Variants in PCDHA3 observed in about 807,000 individuals in gnomAD.
PCDHA3 encodes the protein protocadherin alpha 3.
PCDHA3 carries 41 observed loss-of-function variants against 62.2 expected under a neutral mutation model. The observed-to-expected ratio is 0.66, with a 90% confidence interval of 0.51 to 0.86. PCDHA3 has a LOEUF of 0.86. Ranked by LOEUF, PCDHA3 falls within the 40% of genes least tolerant of loss-of-function variation. PCDHA3 has a pLI of 0.00. For missense variants in PCDHA3, 1,304 were observed against 1,241.2 expected (o/e 1.05, Z -0.76); for synonymous variants, 640 against 555.4 (o/e 1.15, Z -2.14).
rs1254139233 is a variant in PCDHA3 at position 140,846,802 on chromosome 5, C to T, written c.2394+43211C>T. On this transcript the variant is annotated intron_variant, in intron 1 of 3. Transcript: ENST00000522353. Reference sequence around the variant, plus strand: ...ATTATTACTGAGCCCCAGCCCCTGGCTTTAAAATTTGAGGTCAAATAAAGA... The same window carrying T: ...ATTATTACTGAGCCCCAGCCCCTGGTTTTAAAATTTGAGGTCAAATAAAGA... Among the ~76,000 whole-genome samples the T allele has an allele frequency of 4.7e-5, 7 of 149,432 alleles. 1 individual carries two copies. The highest frequency in any genetic ancestry group is 1.7e-4 in the African/African-American group (7 of 40,714).
At chr5:140,884,941 C>T (rs1326188943) in intron 1 of PCDHA3, among the ~76,000 whole-genome samples, 1 of 152,116 alleles carries the variant, frequency 6.6e-6, no homozygotes, top group Admixed American at 6.5e-5. Context: ...TGCAATTGAG[C>T]ATTTACAAAA....
chr5:140,861,804 T>C (rs36095340), intron 1 of PCDHA3: 19,400 of 158,354 alleles, frequency 0.12, 1,289 homozygotes, highest in Middle Eastern at 0.19. Flanking sequence ...AGGTGTATTT[T>C]AAAAATTCTT....
intron 1 of PCDHA3, among the ~76,000 whole-genome samples, chr5:140,947,975 A>G (rs572156919): frequency 5.8e-4 from 87 of 150,726 alleles, no homozygotes; most frequent in African/African-American, 1.9e-3. Context: ...TGTGCTACTC[A>G]TAGGTTTTTC....
At chr5:140,883,402 C>G (rs2153393597) in intron 1 of PCDHA3, 1 of 1,614,192 alleles carries the variant, frequency 6.2e-7, no homozygotes, top group Middle Eastern at 1.6e-4. Context: ...CCGATCGTGA[C>G]TCTGGCTCAA....
intron 3 of PCDHA3, among the ~76,000 whole-genome samples, chr5:141,003,440 T>G (rs1194575812): frequency 6.6e-6 from 1 of 152,100 alleles, no homozygotes; most frequent in Non-Finnish European, 1.5e-5. Flanking sequence ...GCCTCCCAAG[T>G]AGATGAAATT....
At chr5:140,838,074 TATAGTGTG>T (rs1468306192) in intron 1 of PCDHA3, among the ~76,000 whole-genome samples, 3 of 120,528 alleles carry the variant, frequency 2.5e-5, no homozygotes, top group Non-Finnish European at 3.4e-5. Context: ...GTTATATATA[TATAGTGTG>T]TGTGTGTGTG....
chr5:140,883,691 T>C (rs2059755439), intron 1 of PCDHA3: 2 of 1,613,592 alleles, frequency 1.2e-6, no homozygotes, highest in African/African-American at 2.7e-5. Flanking sequence ...CTGCCACATC[T>C]TCACGGTGTC....
chr5:140,807,666 C>T, intron 1 of PCDHA3: 3 of 1,614,226 alleles, frequency 1.9e-6, no homozygotes, highest in Non-Finnish European at 2.5e-6. Context: ...GCCTCGGATG[C>T]AGATATCGGG....
intron 1 of PCDHA3, chr5:140,858,448 C>A (rs1554151646): frequency 3.3e-6 from 5 of 1,532,196 alleles, no homozygotes; most frequent in African/African-American, 1.4e-5. Context: ...TGGGTTATTA[C>A]GTTTTCATTT....
chr5:140,856,987 C>G (rs144244943), intron 1 of PCDHA3: 1 of 1,595,238 alleles, frequency 6.3e-7, no homozygotes, highest in Non-Finnish European at 8.6e-7. Flanking sequence ...AGGACAGTAA[C>G]ACTTATGAAA....
chr5:140,989,685 A>G (rs1393246206), intron 3 of PCDHA3, among the ~76,000 whole-genome samples: 2 of 152,186 alleles, frequency 1.3e-5, no homozygotes, highest in Non-Finnish European at 2.9e-5. Context: ...TTTCAAAGGA[A>G]CGTGAAAATT....
intron 1 of PCDHA3, chr5:140,864,182 TA>T: frequency 6.6e-6 from 1 of 152,352 alleles, no homozygotes; most frequent in East Asian, 1.9e-4. Context: ...TCATGATGAA[TA>T]ATGATCCTTA....
At position 140,803,155 on chromosome 5, in the gene PCDHA3, A is replaced by C. The variant is rs782366845; in HGVS notation, c.1958A>C (p.Asp653Ala). 6 of 1,613,866 alleles carry C rather than the reference A, an allele frequency of 3.7e-6. No individual in the cohort carries two copies. The highest frequency in any genetic ancestry group is 5.1e-6 in the Non-Finnish European group (6 of 1,179,938). The change falls in exon 1 of 4, where the codon GAC (aspartate) becomes GCC (alanine). Residue 653 changes from aspartate to alanine, a missense_variant. Asp to Ala is a moderately radical substitution (Grantham distance 126). Coordinates refer to ENST00000522353, the MANE Select transcript of PCDHA3 (RefSeq NM_018906.3). Reference sequence around the variant, plus strand: ...CATCGCCTACTGGTGCTGGTGAAGGACCACGGTGAACCCTCATTGACCGCC... The same window carrying C: ...CATCGCCTACTGGTGCTGGTGAAGGCCCACGGTGAACCCTCATTGACCGCC... ...PRHRLLVLVK[D>A]HGEPSLTATA...
intron 1 of PCDHA3, chr5:140,851,076 A>G: frequency 7.5e-7 from 1 of 1,337,516 alleles, no homozygotes; most frequent in Non-Finnish European, 9.8e-7. Flanking sequence ...AGAATTATAA[A>G]CTGTATATTA....
At chr5:140,833,837 T>C (rs1469438718) in intron 1 of PCDHA3, among the ~76,000 whole-genome samples, 1 of 152,176 alleles carries the variant, frequency 6.6e-6, no homozygotes, top group African/African-American at 2.4e-5. Context: ...GAGTACAGGA[T>C]TTTTCTTAAC....
At chr5:140,873,755 T>C (rs1273886734) in intron 1 of PCDHA3, among the ~76,000 whole-genome samples, 1 of 152,098 alleles carries the variant, frequency 6.6e-6, no homozygotes, top group African/African-American at 2.4e-5. Flanking sequence ...CCACCTCCCA[T>C]GTTCAAGCAA....
chr5:140,938,793 A>G lies in PCDHA3; in HGVS notation c.2395-40156A>G, dbSNP rs543840345. 2.6e-5 allele frequency among the ~76,000 whole-genome samples: 4 copies of G among 152,268 alleles called. No individual in the cohort carries two copies. The East Asian group carries it at 7.7e-4, about 29-fold the overall frequency. On this transcript the variant is annotated intron_variant, in intron 1 of 3. Coordinates refer to ENST00000522353, the MANE Select transcript of PCDHA3 (RefSeq NM_018906.3). ...AGACTTAGTACCTGAATGATGAAAT[A>G]ATCGGTACCACAAACCCCTGTGACA...
rs139859573 is a variant in PCDHA3, at chr5:140,940,130, A to G, written c.2395-38819A>G. ...TGTATTATTTACCTCTATTTCTGCT[A>G]GTGATAAACTATTATAGTTTTTGTT... On this transcript the variant is annotated intron_variant, in intron 1 of 3. Transcript: ENST00000522353. Among the ~76,000 whole-genome samples, 378 of 152,286 alleles carry G rather than the reference A, an allele frequency of 2.5e-3. 4 individuals carry two copies. Among genetic ancestry groups the G allele is most frequent in the Non-Finnish European group, 4.6e-3 (313 of 68,020 alleles).
chr5:140,927,484 A>G (rs1554204601), intron 1 of PCDHA3: 2 of 1,613,906 alleles, frequency 1.2e-6, no homozygotes, highest in East Asian at 2.2e-5. Flanking sequence ...ACAGCGCGCC[A>G]CCCACCTGCT....
Sources: allele counts gnomAD v4.1 joint callset (sites outside exome capture counted in the v4.1 genomes callset), GRCh38; gene constraint gnomAD v4.1.1; transcripts MANE v1.5; gene names NCBI Gene and HGNC (gene_info 2026-07-23, HGNC 2026-07-21).